LYST: variants seen among roughly 807,000 people sequenced by gnomAD.
The protein encoded by LYST is lysosomal-trafficking regulator.
LYST carries 192 observed loss-of-function variants against 413.6 expected under a neutral mutation model. That is an observed-to-expected ratio of 0.46 (90% confidence interval 0.41 to 0.52). The LOEUF (loss-of-function observed/expected upper bound fraction) is 0.52. Among genes scored for constraint, LYST ranks in the 20% least tolerant of loss-of-function variants. LYST has a pLI of 0.00. For missense variants in LYST, 3,815 were observed against 4,499.9 expected (o/e 0.85, Z 4.35); for synonymous variants, 1,525 against 1,567.3 (o/e 0.97, Z 0.64).
intron 22 of LYST, 70 bp from the exon 23 acceptor site, chr1:235,759,669 A>G: frequency 8.5e-7 from 1 of 1,179,950 alleles, no homozygotes. Context: ...TTTGCATTAT[A>G]AATCACAACC....
intron 48 of LYST, among the ~76,000 whole-genome samples, chr1:235,684,431 A>T (rs1440312746): frequency 6.6e-6 from 1 of 152,242 alleles, no homozygotes; most frequent in Non-Finnish European, 1.5e-5. Flanking sequence ...CAACTGCCCT[A>T]GCAGCAGGGT....
chr1:235,828,066 A>G (rs1029264374), intron 3 of LYST: 10 of 693,410 alleles, frequency 1.4e-5, no homozygotes, highest in Admixed American at 6.3e-5. Context: ...TAAAACTACA[A>G]TAAGATACTA....
Position 235,693,425 on chromosome 1 carries a change from A to T in LYST, c.10626T>A (p.Ala3542=), listed in dbSNP as rs2103075555. 3 of 1,613,600 alleles carry T rather than the reference A, an allele frequency of 1.9e-6. No homozygotes were observed. The East Asian group carries it at 6.7e-5, about 36-fold the overall frequency. The change falls in exon 47 of 53, where the codon GCT becomes GCA. Residue 3542 remains alanine, a synonymous_variant. Transcript: ENST00000389793. ...QWSAILSWGY[A]DNILRLKSKQ... is the part of the protein sequence containing the mutation. The stretch of plus-strand genomic sequence containing the variant: ...TACTCTTCAACCTTAAAATATTATC[A>T]GCATATCCCCAGCTCAGGATGGCTG...
chr1:235,737,919 C>CAGCG, intron 31 of LYST: 7 of 1,160,710 alleles, frequency 6.0e-6, no homozygotes, highest in South Asian at 7.9e-5. Flanking sequence ...GCCGACGAGT[C>CAGCG]TGGATCTCAC....
chr1:235,712,715 G>A, intron 42 of LYST: 1 of 985,088 alleles, frequency 1.0e-6, no homozygotes, highest in Non-Finnish European at 1.2e-6. Flanking sequence ...GTAGGTTACG[G>A]TGCATTGTTT....
intron 20 of LYST, among the ~76,000 whole-genome samples, chr1:235,768,002 C>T (rs1668310785): frequency 1.3e-5 from 2 of 151,978 alleles, no homozygotes; most frequent in Admixed American, 6.6e-5. Context: ...TTTCAATAGC[C>T]CCTTTTTCTG....
At chr1:235,815,188 T>C (rs970164773) in intron 3 of LYST, among the ~76,000 whole-genome samples, 1 of 152,166 alleles carries the variant, frequency 6.6e-6, no homozygotes, top group African/African-American at 2.4e-5. Context: ...GTTAAACAAA[T>C]ATTTCTTGAT....
intron 6 of LYST, among the ~76,000 whole-genome samples, chr1:235,805,518 T>A (rs1479677173): frequency 1.3e-5 from 2 of 151,836 alleles, no homozygotes; most frequent in Non-Finnish European, 2.9e-5. Context: ...TATCCATTAT[T>A]ATTCATCTGA....
intron 44 of LYST, among the ~76,000 whole-genome samples, chr1:235,706,623 C>A (rs1662010429): frequency 6.6e-6 from 1 of 152,076 alleles, no homozygotes; most frequent in Non-Finnish European, 1.5e-5. Context: ...TGCAGAGGCT[C>A]CAGCAAGTGA....
intron 3 of LYST, chr1:235,828,258 AG>A (rs1401932526): frequency 8.4e-6 from 5 of 595,224 alleles, no homozygotes; most frequent in Admixed American, 6.3e-5. Context: ...GTGTTTGCTT[AG>A]GGGTAGGGGA....
At position 235,809,869 on chromosome 1, in the gene LYST, C is replaced by T. The variant is rs201337542; in HGVS notation, c.949G>A (p.Glu317Lys). 3.5e-5 allele frequency: 56 copies of T among 1,613,962 alleles called. No individual in the cohort carries two copies. In the Middle Eastern group the frequency reaches 2.8e-3, roughly 81 times the overall value. ...ESRVVSAGWT[E>K]EPVALIQRML... The stretch of plus-strand genomic sequence containing the variant: ...CTTTGAATCAAAGCCACCGGTTCTT[C>T]GGTCCAACCTGCAGAAACTACTCGA... The change falls in exon 5 of 53, where the codon GAA becomes AAA. Residue 317 changes from glutamate (E) to lysine (K), a missense_variant. By Grantham distance (56) the Glu-to-Lys change is moderately conservative. Transcript: ENST00000389793. This position sits in a 1 kb window ranked among gnomAD's most constrained non-coding sequence, Gnocchi z 4.0.
chr1:235,865,033 G>A (rs568135359), intron 1 of LYST, among the ~76,000 whole-genome samples: 26 of 152,296 alleles, frequency 1.7e-4, no homozygotes, highest in African/African-American at 6.0e-4. Flanking sequence ...GCCTTATACA[G>A]TCTAATCTCC....
intron 22 of LYST, among the ~76,000 whole-genome samples, chr1:235,761,152 A>G (rs1667554186): frequency 2.0e-5 from 3 of 152,180 alleles, no homozygotes; most frequent in Non-Finnish European, 4.4e-5. Flanking sequence ...GCCTTAAAAT[A>G]TTATTATAAA....
chr1:235,766,034 C>T (rs754673243), intron 21 of LYST, 45 bp downstream of exon 21: 2 of 1,390,990 alleles, frequency 1.4e-6, no homozygotes, highest in East Asian at 2.3e-5. Context: ...AAGAATAAAA[C>T]AAAAGTGGAA....
intron 14 of LYST, among the ~76,000 whole-genome samples, chr1:235,785,152 C>T (rs1349075192): frequency 1.3e-5 from 2 of 152,188 alleles, no homozygotes; most frequent in Non-Finnish European, 2.9e-5. Flanking sequence ...CCTCCTCCCA[C>T]CTGCACAGGG....
chr1:235,672,320 G>C (rs1659005750), intron 50 of LYST, among the ~76,000 whole-genome samples: 1 of 152,122 alleles, frequency 6.6e-6, no homozygotes, highest in African/African-American at 2.4e-5. Flanking sequence ...CTAGAGAAGA[G>C]AAGGTAGCAA....
chr1:235,786,304 G>T (rs2103499106), intron 14 of LYST, among the ~76,000 whole-genome samples: 1 of 152,276 alleles, frequency 6.6e-6, no homozygotes. Context: ...GTAAGTTAAA[G>T]TATAGTAAAT....
intron 1 of LYST, among the ~76,000 whole-genome samples, chr1:235,866,157 T>C (rs530114677): frequency 5.7e-4 from 87 of 152,318 alleles, no homozygotes; most frequent in Admixed American, 1.1e-3. Context: ...TCTCGGGTAA[T>C]TTCCCAGCTT....
intron 44 of LYST, among the ~76,000 whole-genome samples, chr1:235,705,109 AG>A (rs1021791934): frequency 5.3e-5 from 8 of 152,146 alleles, no homozygotes; most frequent in African/African-American, 1.9e-4. Flanking sequence ...ACATTTGACA[AG>A]TTTGTACATT....
Sources: allele counts gnomAD v4.1 joint callset (sites outside exome capture counted in the v4.1 genomes callset), GRCh38; gene constraint gnomAD v4.1.1; non-coding constraint Gnocchi (gnomAD v3.1); transcripts MANE v1.5; gene names NCBI Gene and HGNC (gene_info 2026-07-23, HGNC 2026-07-21).